P3H1: variants seen among roughly 807,000 people sequenced by gnomAD.
P3H1 encodes growth suppressor 1.
In P3H1, 69 loss-of-function variants were observed where a neutral mutation model predicts 84.0. That is an observed-to-expected ratio of 0.82 (90% CI 0.68 to 1.00). The LOEUF is 1.00. Among genes scored for constraint, P3H1 ranks in the 50% least tolerant of loss-of-function variants. The pLI is 0.00. For missense variants in P3H1, 878 were observed against 962.8 expected, an observed-to-expected ratio of 0.91 and a Z score of 1.17; for synonymous variants, 366 against 388.8, an observed-to-expected ratio of 0.94 and a Z score of 0.69.
chr1:42,763,465 A>G (rs527678159), intron 1 of P3H1, among the ~76,000 whole-genome samples: 4 of 151,912 alleles, frequency 2.6e-5, no homozygotes, highest in African/African-American at 9.7e-5. Context: ...TGAGGTCAGG[A>G]GTTTGAGACC....
In P3H1 at chr1:42,754,723, AG is replaced by A; in HGVS notation, c.1345+145del. On this transcript the variant is annotated intron_variant, in intron 8 of 14. Coordinates refer to ENST00000296388, the MANE Select transcript of P3H1 (RefSeq NM_022356.4). The surrounding 1 kb of genome is among the most constrained non-coding windows in gnomAD (Gnocchi z 4.0). ...TGAAAGTCCCGCTGGTGAGTTAGGAAGGATGTCCACTGAACTTGCACCCTAA... is the reference window on the plus strand; with the variant it reads ...TGAAAGTCCCGCTGGTGAGTTAGGAAGATGTCCACTGAACTTGCACCCTAA... 1 of 968,752 alleles carries A rather than the reference AG, an allele frequency of 1.0e-6. No individual in the cohort carries two copies. The highest frequency in any genetic ancestry group is 1.4e-5 in the South Asian group (1 of 73,276). The allele number at this position is 968,752 out of a possible 1,614,324, so 60.0% of individuals were successfully genotyped here.
intron 4 of P3H1, among the ~76,000 whole-genome samples, chr1:42,758,497 C>T (rs942816123): frequency 6.6e-6 from 1 of 152,232 alleles, no homozygotes; most frequent in African/African-American, 2.4e-5. Flanking sequence ...CCCACAAAAG[C>T]ATCAGTGCTA....
Position 42,762,310 on chromosome 1 carries a change from A to C in P3H1, c.618+13T>G. 6.2e-7 allele frequency: 1 copy of C among 1,609,358 alleles called. No individual in the cohort carries two copies. The highest frequency in any genetic ancestry group is 8.5e-7 in the Non-Finnish European group (1 of 1,176,186). ...AAAGAAAGAAAGAAAGAAGGGGATA[A>C]AGTTTTTTTCACCATATGGGGTTGA... On this transcript the variant is annotated intron_variant, in intron 2 of 14. Coordinates refer to ENST00000296388, the MANE Select transcript of P3H1 (RefSeq NM_022356.4).
In P3H1 at chr1:42,748,322, G is replaced by A. The variant is rs1430349543; in HGVS notation, c.1721-5C>T. 1.9e-6 allele frequency: 3 copies of A among 1,605,620 alleles called. No individual in the cohort carries two copies. The highest frequency in any genetic ancestry group is 2.6e-6 in the Non-Finnish European group (3 of 1,172,630). On this transcript the variant is annotated splice_polypyrimidine_tract_variant and splice_region_variant and intron_variant, in intron 11 of 14. Coordinates refer to ENST00000296388, the MANE Select transcript of P3H1 (RefSeq NM_022356.4). ...CCTTCCTCTCTGCCTGGACCTCTGG[G>A]GCCAATGTCACACATGTTAGCAAGG...
At chr1:42,766,219 A>C (rs1652988608) in intron 1 of P3H1, among the ~76,000 whole-genome samples, 1 of 152,192 alleles carries the variant, frequency 6.6e-6, no homozygotes, top group Non-Finnish European at 1.5e-5. Flanking sequence ...CTGCCGCTTT[A>C]ATTCCTTCCA....
At chr1:42,757,261 C>T (rs988680197) in intron 5 of P3H1, among the ~76,000 whole-genome samples, 2 of 152,106 alleles carry the variant, frequency 1.3e-5, no homozygotes, top group Non-Finnish European at 2.9e-5. Context: ...GGAAGAAGAG[C>T]CTGGGTGTCT....
Position 42,762,311 on chromosome 1 carries a change from A to G in P3H1, c.618+12T>C, listed in dbSNP as rs1570479338. On this transcript the variant is annotated intron_variant, in intron 2 of 14. Coordinates refer to ENST00000296388, the MANE Select transcript of P3H1 (RefSeq NM_022356.4). ...AAGAAAGAAAGAAAGAAGGGGATAA[A>G]GTTTTTTTCACCATATGGGGTTGAG... is the stretch of plus-strand genomic sequence containing the variant. The G allele has an allele frequency of 6.2e-7, 1 of 1,612,336 alleles. No homozygotes were observed. Among genetic ancestry groups the G allele is most frequent in the Non-Finnish European group, 8.5e-7 (1 of 1,178,630 alleles).
At position 42,762,527 on chromosome 1, in the gene P3H1, G is replaced by A. The variant is rs376559563; in HGVS notation, c.466-52C>T. 4.9e-5 allele frequency: 78 copies of A among 1,596,464 alleles called. 1 individual carries two copies. In the Middle Eastern group the frequency reaches 5.0e-4, roughly 10 times the overall value. On this transcript the variant is annotated intron_variant, in intron 1 of 14. Transcript: ENST00000296388. Reference sequence around the variant, plus strand: ...TAATGCTCACATCCAATCTCTGAACGTTTGTGTCCACATGAGCAGTCCACA... The same window carrying A: ...TAATGCTCACATCCAATCTCTGAACATTTGTGTCCACATGAGCAGTCCACA...
intron 4 of P3H1, among the ~76,000 whole-genome samples, 184 bp downstream of exon 4, chr1:42,758,668 T>C (rs928843523): frequency 3.9e-5 from 6 of 152,246 alleles, no homozygotes; most frequent in African/African-American, 1.2e-4. Context: ...TTTGGGTTGC[T>C]GGTATTGGCT....
intron 1 of P3H1, among the ~76,000 whole-genome samples, chr1:42,766,187 AC>A (rs1652987137): frequency 6.6e-6 from 1 of 152,228 alleles, no homozygotes; most frequent in South Asian, 2.1e-4. Context: ...ACTTACAATG[AC>A]ATCAGAATGG....
chr1:42,752,249 C>G (rs372189337), intron 10 of P3H1, 25 bp downstream of exon 10: 5 of 1,583,170 alleles, frequency 3.2e-6, no homozygotes, highest in Non-Finnish European at 4.3e-6. Flanking sequence ...TCTCCACACT[C>G]TAGAATGCCC....
chr1:42,762,246 G>A (rs780899334), intron 2 of P3H1, 77 bp downstream of exon 2: 2 of 1,468,294 alleles, frequency 1.4e-6, no homozygotes, highest in Non-Finnish European at 1.9e-6. Flanking sequence ...ACTCCAGCCT[G>A]GGTGACAGAG....
At chr1:42,749,161 G>C (rs1303884913) in intron 11 of P3H1, among the ~76,000 whole-genome samples, 1 of 152,268 alleles carries the variant, frequency 6.6e-6, no homozygotes, top group Non-Finnish European at 1.5e-5. Context: ...GTCCTTCACT[G>C]CTTGATGAGG....
chr1:42,762,864 G>C (rs1231166778), intron 1 of P3H1, among the ~76,000 whole-genome samples: 1 of 152,276 alleles, frequency 6.6e-6, no homozygotes, highest in East Asian at 1.9e-4. Context: ...GGCCGAGGCA[G>C]GTGGATCACT....
In P3H1 at chr1:42,750,341, C is replaced by T. The variant is rs1179622665; in HGVS notation, c.1570-5G>A. On this transcript the variant is annotated splice_polypyrimidine_tract_variant and splice_region_variant and intron_variant, in intron 10 of 14. Coordinates refer to ENST00000296388, the MANE Select transcript of P3H1 (RefSeq NM_022356.4). ...AACTTTGCCTTCTTGCCCCAGCTGC[C>T]AAGGAGACAGATGGTCAGCTGCCCT... 1 of 1,613,924 alleles carries T rather than the reference C, an allele frequency of 6.2e-7. No individual in the cohort carries two copies. Among genetic ancestry groups the T allele is most frequent in the Non-Finnish European group, 8.5e-7 (1 of 1,179,974 alleles).
At chr1:42,748,998 C>T (rs940159651) in intron 11 of P3H1, among the ~76,000 whole-genome samples, 5 of 152,392 alleles carry the variant, frequency 3.3e-5, no homozygotes, top group Admixed American at 3.3e-4. Flanking sequence ...CTTCCCGGGG[C>T]CTCACTTCTC....
chr1:42,759,766 A>C (rs1274949714), intron 2 of P3H1, among the ~76,000 whole-genome samples: 1 of 151,194 alleles, frequency 6.6e-6, no homozygotes, highest in African/African-American at 2.4e-5. Context: ...TATTTTAGTA[A>C]AGACGGGGTT....
In P3H1 at chr1:42,754,973, G is replaced by A. The variant is rs1652309551; in HGVS notation, c.1241C>T (p.Ala414Val). The change falls in exon 8 of 15, where the codon GCC becomes GTC. Residue 414 changes from alanine to valine, a missense_variant. Transcript: ENST00000296388. This position sits in a 1 kb window ranked among gnomAD's most constrained non-coding sequence, Gnocchi z 4.0. Reference protein sequence around the residue: ...QEKQKSERETAVRISQEIGNL... With the variant: ...QEKQKSERETVVRISQEIGNL... The stretch of plus-strand genomic sequence containing the variant: ...CCCAATCTCCTGGGAGATGCGTACG[G>A]CTGTTTCCCGTTCTGACCTATGAGC... 5 of 1,614,126 alleles carry A rather than the reference G, an allele frequency of 3.1e-6. No homozygotes were observed. The highest frequency in any genetic ancestry group is 4.2e-6 in the Non-Finnish European group (5 of 1,180,026).
intron 10 of P3H1, 79 bp downstream of exon 10, chr1:42,752,195 C>G: frequency 8.2e-7 from 1 of 1,215,864 alleles, no homozygotes; most frequent in Non-Finnish European, 1.2e-6. Flanking sequence ...GCCACCAGCC[C>G]CAACTCTTCC....
Sources: gnomAD v4.1 joint callset for allele counts (sites outside exome capture counted in the v4.1 genomes callset) on GRCh38, gnomAD v4.1.1 for gene constraint, Gnocchi (gnomAD v3.1) non-coding constraint, MANE v1.5 for transcripts, NCBI Gene and HGNC (gene_info 2026-07-23, HGNC 2026-07-21) for gene names.